MSH6: variants seen among roughly 807,000 people sequenced by gnomAD.
The protein encoded by MSH6 is mutS homolog 6, also known as DNA mismatch repair protein Msh6.
MSH6 carries 85 observed loss-of-function variants against 119.1 expected under a neutral mutation model. That is an observed-to-expected ratio of 0.71 (90% confidence interval 0.60 to 0.85). The LOEUF is 0.85. Ranked by LOEUF, MSH6 falls within the 40% of genes least tolerant of loss-of-function variation. The probability of loss-of-function intolerance (pLI) is 0.00; values close to 1 mark genes in which losing one functional copy is unlikely to be tolerated. For missense variants in MSH6, 2,163 were observed against 1,655.3 expected (o/e 1.31, Z -5.32); for synonymous variants, 830 against 586.9 (o/e 1.41, Z -5.99).
At chr2:47,804,855 G>T (rs918681325) in intron 5 of MSH6, 55 bp from the exon 6 acceptor site, 3 of 1,370,036 alleles carry the variant, frequency 2.2e-6, no homozygotes, top group Non-Finnish European at 2.1e-6. Flanking sequence ...AAAGACAAAA[G>T]TTTATGAAAC....
chr2:47,788,286 G>A (rs1390833763), intron 1 of MSH6, among the ~76,000 whole-genome samples: 2 of 108,738 alleles, frequency 1.8e-5, no homozygotes, highest in East Asian at 2.9e-4. Flanking sequence ...ATGGAGTCTC[G>A]CCCTGTCACC....
downstream of MSH6, chr2:47,807,664 T>TG (rs1670317085): frequency 6.2e-6 from 1 of 160,550 alleles, no homozygotes; most frequent in South Asian, 2.7e-4. Context: ...TCTGAATACA[T>TG]GTTAAAAAAA....
chr2:47,809,712 A>G, downstream of MSH6: 1 of 1,598,268 alleles, frequency 6.3e-7, no homozygotes, highest in Non-Finnish European at 8.6e-7. Context: ...CAATACCTGA[A>G]GTAAAATTTA....
Position 47,803,566 on chromosome 2 carries a change from G to T in MSH6, c.3319G>T (p.Asp1107Tyr). The T allele has an allele frequency of 1.2e-6, 2 of 1,614,124 alleles. No homozygotes were observed. The highest frequency in any genetic ancestry group is 1.1e-5 in the South Asian group (1 of 91,080). The change falls in exon 5 of 10, where the codon GAT becomes TAT. Residue 1107 changes from aspartate (D) to tyrosine (Y), a missense_variant. By Grantham distance (160) the Asp-to-Tyr change is radical (BLOSUM62 -3). Transcript: ENST00000234420. ...CATTACGAAGACTTTTTTTGGAGAT[G>T]ATTTTATTCCTAATGACATTCTAAT... is the stretch of plus-strand genomic sequence containing the variant. ...PCITKTFFGD[D>Y]FIPNDILIGC... is the part of the protein sequence containing the mutation.
intron 1 of MSH6, among the ~76,000 whole-genome samples, chr2:47,788,906 C>CT (rs1491155839): frequency 0.012 from 187 of 15,798 alleles, 17 homozygotes; most frequent in East Asian, 0.025. Context: ...CTTTCTTCTT[C>CT]CTTTTTTTTT....
chr2:47,804,772 A>G, intron 5 of MSH6, 138 bp from the exon 6 acceptor site: 2 of 742,304 alleles, frequency 2.7e-6, no homozygotes, highest in Non-Finnish European at 4.9e-6. Context: ...AATGGATTTC[A>G]GAACAGAACC....
chr2:47,800,595 T>G lies in MSH6; in HGVS notation c.2612T>G (p.Ile871Ser), dbSNP rs2104415126. The change falls in exon 4 of 10, where the codon ATT becomes AGT. Residue 871 changes from isoleucine to serine, a missense_variant. Transcript: ENST00000234420. Reference sequence around the variant, plus strand: ...GAAGGATTCAAAGTAATGTGTAAAATTATAGGGATCATGGAAGAAGTTGCT... The same window carrying G: ...GAAGGATTCAAAGTAATGTGTAAAAGTATAGGGATCATGGAAGAAGTTGCT... ...ALEGFKVMCK[I>S]IGIMEEVADG... The G allele has an allele frequency of 6.2e-7, 1 of 1,614,114 alleles. No homozygotes were observed.
chr2:47,799,746 A>G lies in MSH6; in HGVS notation c.1763A>G (p.His588Arg), dbSNP rs786202725. 47 of 1,614,208 alleles carry G rather than the reference A, an allele frequency of 2.9e-5. No individual in the cohort carries two copies. Among genetic ancestry groups the G allele is most frequent in the Non-Finnish European group, 3.8e-5 (45 of 1,180,046 alleles). ...HCSRFRTLVA[H>R]YPPVQVLFEK... The stretch of plus-strand genomic sequence containing the variant: ...TCGAGATTTAGGACTCTAGTGGCAC[A>G]CTATCCCCCAGTACAAGTTTTATTT... The change falls in exon 4 of 10, where the codon CAC becomes CGC. Residue 588 changes from histidine (H) to arginine (R), a missense_variant. By Grantham distance (29) the His-to-Arg change is conservative (BLOSUM62 0). Coordinates refer to ENST00000234420, the MANE Select transcript of MSH6 (RefSeq NM_000179.3).
At position 47,801,123 on chromosome 2, in the gene MSH6, G is replaced by T. The variant is rs1064794302; in HGVS notation, c.3140G>T (p.Trp1047Leu). ...AACTTTGATAAAAATTACAAGGACT[G>T]GCAGTCTGCTGTAGAGTGTATCGCA... ...FYNFDKNYKDWQSAVECIAVL... is the reference protein window; with the variant it reads ...FYNFDKNYKDLQSAVECIAVL... The change falls in exon 4 of 10, where the codon TGG becomes TTG. Residue 1047 changes from tryptophan to leucine, a missense_variant. Physicochemically the swap from Trp to Leu is moderately conservative, Grantham distance 61. Coordinates refer to ENST00000234420, the MANE Select transcript of MSH6 (RefSeq NM_000179.3). 1 of 1,612,324 alleles carries T rather than the reference G, an allele frequency of 6.2e-7. No homozygotes were observed. The highest frequency in any genetic ancestry group is 8.5e-7 in the Non-Finnish European group (1 of 1,179,958).
intron 3 of MSH6, chr2:47,798,223 A>G (rs1669214308): frequency 5.6e-6 from 1 of 178,536 alleles, no homozygotes; most frequent in African/African-American, 2.4e-5. Context: ...TTTTTTTGGC[A>G]TATGAAGTTG....
At chr2:47,801,361 G>GCTTTTTTTTTTTTTTTTT (rs1669576172) in intron 4 of MSH6, 1 of 84,402 alleles carries the variant, frequency 1.2e-5, no homozygotes, top group Non-Finnish European at 2.0e-5. Flanking sequence ...CCTTTCTTCA[G>GCTTTTTTTTTTTTTTTTT]TTTTTTTTTT....
chr2:47,791,793 C>T (rs1668744667), intron 2 of MSH6, among the ~76,000 whole-genome samples: 1 of 151,380 alleles, frequency 6.6e-6, no homozygotes, highest in Non-Finnish European at 1.5e-5. Context: ...TTTCCTACCT[C>T]AGCCTCCCGA....
At position 47,788,575 on chromosome 2, in the gene MSH6, T is replaced by C. The variant is rs1307360883; in HGVS notation, c.261-2352T>C. On this transcript the variant is annotated intron_variant, in intron 1 of 9. Transcript: ENST00000234420. ...GCCTTTTTCTTTTTCTTTTTCTTTT[T>C]TTTTTTTTTTTTGAGACGGAGTCTT... Among the ~76,000 whole-genome samples, 12 of 144,944 alleles carry C rather than the reference T, an allele frequency of 8.3e-5. No homozygotes were observed. In the South Asian group the frequency reaches 2.2e-3, roughly 26 times the overall value.
rs553631780 is a variant in MSH6 at position 47,790,362 on chromosome 2, C to T, written c.261-565C>T. 5.1e-4 allele frequency among the ~76,000 whole-genome samples: 78 copies of T among 152,260 alleles called. No homozygotes were observed. The highest frequency in any genetic ancestry group is 1.7e-3 in the African/African-American group (70 of 41,568). Reference sequence around the variant, plus strand: ...TCGCTTGAACCGGGGAGGCACGTTACGCCCTCAGTTGTTGACTTGAGTTTT... The same window carrying T: ...TCGCTTGAACCGGGGAGGCACGTTATGCCCTCAGTTGTTGACTTGAGTTTT... On this transcript the variant is annotated intron_variant, in intron 1 of 9. Transcript: ENST00000234420.
intron 2 of MSH6, among the ~76,000 whole-genome samples, chr2:47,792,366 T>C (rs1399067497): frequency 6.6e-6 from 1 of 152,200 alleles, no homozygotes; most frequent in East Asian, 1.9e-4. Context: ...GTGCTCATCC[T>C]ACAAAAAAGG....
At chr2:47,794,835 C>T (rs1251878266) in intron 2 of MSH6, among the ~76,000 whole-genome samples, 2 of 152,102 alleles carry the variant, frequency 1.3e-5, no homozygotes, top group African/African-American at 2.4e-5. Context: ...TGCTCTGTCG[C>T]CCAGGCTGAA....
chr2:47,802,222 A>G (rs1332635471), intron 4 of MSH6, among the ~76,000 whole-genome samples: 1 of 152,244 alleles, frequency 6.6e-6, no homozygotes, highest in Non-Finnish European at 1.5e-5. Context: ...GCCCTGAGTT[A>G]GGAATTTACA....
At chr2:47,783,535 C>T (rs765829502) in intron 1 of MSH6, 42 bp downstream of exon 1, 10 of 1,337,326 alleles carry the variant, frequency 7.5e-6, no homozygotes, top group Admixed American at 3.6e-5. Context: ...GGCATAGCGG[C>T]GGGGCGCTTG....
chr2:47,806,128 C>T (rs912249004), intron 7 of MSH6, 76 bp from the exon 8 acceptor site: 22 of 1,423,522 alleles, frequency 1.5e-5, no homozygotes, highest in Non-Finnish European at 2.2e-5. Context: ...CTTTTCTGTC[C>T]TAGCATTTTT....
Sources: allele counts gnomAD v4.1 joint callset (sites outside exome capture counted in the v4.1 genomes callset), GRCh38; gene constraint gnomAD v4.1.1; transcripts MANE v1.5; gene names NCBI Gene and HGNC (gene_info 2026-07-23, HGNC 2026-07-21).